APOLD1: variants seen among roughly 807,000 people sequenced by gnomAD.
APOLD1 encodes the protein apolipoprotein L domain-containing protein 1.
Under a neutral mutation model 15.3 loss-of-function variants are expected in APOLD1, and 22 were observed. The observed-to-expected ratio is 1.44, with a 90% CI of 1.03 to 2.05. The LOEUF (loss-of-function observed/expected upper bound fraction) is 2.05, where lower values mean the gene tolerates loss of function less well. APOLD1 is among the 30% of genes most tolerant of loss of function. The pLI is 0.00. For synonymous variants in APOLD1, 190 were observed against 167.4 expected, an observed-to-expected ratio of 1.13 and a Z score of -1.04; for missense variants, 394 against 353.5, an observed-to-expected ratio of 1.11 and a Z score of -0.92.
At chr12:12,774,777 A>G (rs542427476) in intron 1 of APOLD1, among the ~76,000 whole-genome samples, 84 of 152,222 alleles carry the variant, frequency 5.5e-4, no homozygotes, top group Non-Finnish European at 1.0e-3. Flanking sequence ...TAGAATGGCC[A>G]AAATCTAGAA....
At chr12:12,745,739 A>C (rs897375407) in intron 1 of APOLD1, among the ~76,000 whole-genome samples, 1 of 152,168 alleles carries the variant, frequency 6.6e-6, no homozygotes, top group Admixed American at 6.5e-5. Context: ...AGGCAAGGGC[A>C]GGATGACTCA....
chr12:12,761,818 T>TATATATAC (rs1946901236), intron 1 of APOLD1, among the ~76,000 whole-genome samples: 2 of 90,680 alleles, frequency 2.2e-5, no homozygotes, highest in Non-Finnish European at 4.5e-5. Context: ...CATATACATA[T>TATATATAC]ATGTATATGT....
chr12:12,736,458 T>C (rs983342147), intron 1 of APOLD1, among the ~76,000 whole-genome samples: 1 of 144,820 alleles, frequency 6.9e-6, no homozygotes, highest in African/African-American at 2.6e-5. Flanking sequence ...GCCTGGGAGG[T>C]CAAGGCTATA....
At chr12:12,731,795 C>G (rs1946643431) in intron 1 of APOLD1, among the ~76,000 whole-genome samples, 1 of 152,226 alleles carries the variant, frequency 6.6e-6, no homozygotes, top group Admixed American at 6.5e-5. Context: ...TTGCTTCCCT[C>G]CTTTCTACCT....
At chr12:12,768,492 A>G (rs1174148860) in intron 1 of APOLD1, among the ~76,000 whole-genome samples, 1 of 151,924 alleles carries the variant, frequency 6.6e-6, no homozygotes, top group Non-Finnish European at 1.5e-5. Flanking sequence ...ACAAAACAAA[A>G]CAAAACAAAA....
intron 1 of APOLD1, among the ~76,000 whole-genome samples, chr12:12,734,988 GCA>G (rs2136369951): frequency 6.6e-6 from 1 of 152,312 alleles, no homozygotes; most frequent in Admixed American, 6.5e-5. Context: ...TCATGCTGTA[GCA>G]GTTTGGATCC....
chr12:12,734,353 G>T (rs1946666830), intron 1 of APOLD1, among the ~76,000 whole-genome samples: 1 of 152,186 alleles, frequency 6.6e-6, no homozygotes, highest in Non-Finnish European at 1.5e-5. Context: ...ATAGTGCTGG[G>T]AAAATAGTTT....
intron 1 of APOLD1, among the ~76,000 whole-genome samples, chr12:12,774,552 A>T (rs1185836246): frequency 8.0e-6 from 1 of 124,414 alleles, no homozygotes; most frequent in Admixed American, 7.6e-5. Context: ...ACTCCAAAAA[A>T]AAAAAAAAAA....
intron 1 of APOLD1, among the ~76,000 whole-genome samples, chr12:12,769,500 T>C (rs1158768089): frequency 6.6e-6 from 1 of 152,130 alleles, no homozygotes; most frequent in African/African-American, 2.4e-5. Context: ...ATAAAAACTT[T>C]ATTGGGAGGC....
At chr12:12,734,182 C>T (rs1211306200) in intron 1 of APOLD1, among the ~76,000 whole-genome samples, 2 of 152,050 alleles carry the variant, frequency 1.3e-5, no homozygotes, top group Admixed American at 6.6e-5. Flanking sequence ...CTTAACAAAC[C>T]ATGGAAAATT....
chr12:12,784,647 A>G (rs940506277), upstream of APOLD1, among the ~76,000 whole-genome samples: 11 of 152,160 alleles, frequency 7.2e-5, no homozygotes, highest in African/African-American at 2.7e-4. Context: ...ATCCTTATTC[A>G]AGTGAGAAAC....
chr12:12,761,801 ACATGAACATATACATATATG>A (rs1405627230), intron 1 of APOLD1, among the ~76,000 whole-genome samples: 144 of 138,448 alleles, frequency 1.0e-3, no homozygotes, highest in African/African-American at 4.2e-3. Flanking sequence ...ATATATATAT[ACATGAACATATACATATATG>A]TATATGTATA....
At chr12:12,772,340 T>G (rs1946994940) in intron 1 of APOLD1, among the ~76,000 whole-genome samples, 1 of 152,186 alleles carries the variant, frequency 6.6e-6, no homozygotes. Context: ...TTAGCTATGC[T>G]TATGTCAGAC....
At chr12:12,762,479 C>T (rs998213229) in intron 1 of APOLD1, among the ~76,000 whole-genome samples, 1 of 151,988 alleles carries the variant, frequency 6.6e-6, no homozygotes. Context: ...CTCAGCCTCT[C>T]GAGGAGCTGG....
At position 12,787,938 on chromosome 12, in the gene APOLD1, A is replaced by C. The variant is rs2136403520; in HGVS notation, c.*286A>C. 2.7e-6 allele frequency: 1 copy of C among 366,820 alleles called. No individual in the cohort carries two copies. Among genetic ancestry groups the C allele is most frequent in the South Asian group, 3.8e-5 (1 of 26,644 alleles). 22.7% of individuals were successfully genotyped at this position (366,820 alleles called of 1,614,324 possible). A position where few individuals can be genotyped will look rare whatever the true frequency, so the allele number is the denominator to read the frequency against. On this transcript the variant is annotated 3_prime_UTR_variant, in exon 2 of 2. Coordinates refer to ENST00000356591, the MANE Select transcript of APOLD1 (RefSeq NM_030817.3). This position sits in a 1 kb window ranked among gnomAD's most constrained non-coding sequence, Gnocchi z 4.9. ...ACTTTCTGTCTAAACACAGCTGGGCAGGCACTCCTGTTTTAAAGTTATTTC... is the reference window on the plus strand; with the variant it reads ...ACTTTCTGTCTAAACACAGCTGGGCCGGCACTCCTGTTTTAAAGTTATTTC...
At chr12:12,731,359 T>A (rs1320797629) in intron 1 of APOLD1, among the ~76,000 whole-genome samples, 1 of 152,172 alleles carries the variant, frequency 6.6e-6, no homozygotes, top group Non-Finnish European at 1.5e-5. Flanking sequence ...AAATGGTAAA[T>A]TTTATGTATT....
At chr12:12,773,322 A>G (rs1947002599) in intron 1 of APOLD1, among the ~76,000 whole-genome samples, 1 of 152,192 alleles carries the variant, frequency 6.6e-6, no homozygotes, top group Non-Finnish European at 1.5e-5. Flanking sequence ...GCACTTTGGG[A>G]GGGTGAAGTG....
intron 1 of APOLD1, among the ~76,000 whole-genome samples, chr12:12,751,643 G>A (rs1380330472): frequency 4.6e-5 from 7 of 152,166 alleles, no homozygotes; most frequent in South Asian, 2.1e-4. Flanking sequence ...GAGCCAGCAC[G>A]CCCACCCAGG....
chr12:12,786,648 G>C, intron 1 of APOLD1: 1 of 985,244 alleles, frequency 1.0e-6, no homozygotes, highest in Non-Finnish European at 1.2e-6. Context: ...AACGTTCCCT[G>C]GGAGAGAAGC....
Sources: allele counts gnomAD v4.1 joint callset (sites outside exome capture counted in the v4.1 genomes callset), GRCh38; gene constraint gnomAD v4.1.1; non-coding constraint Gnocchi (gnomAD v3.1); transcripts MANE v1.5; gene names NCBI Gene and HGNC (gene_info 2026-07-23, HGNC 2026-07-21).